DNAH9: variants seen among roughly 807,000 people sequenced by gnomAD.
DNAH9 encodes dynein axonemal heavy chain 9.
A neutral mutation model predicts 471.6 loss-of-function variants in DNAH9; 345 were observed. The ratio of observed to expected loss-of-function variants is 0.73; its 90% CI spans 0.67 to 0.80. DNAH9 has a LOEUF of 0.80. Among genes scored for constraint, DNAH9 ranks in the 30% least tolerant of loss-of-function variants. The pLI is 0.00. For synonymous variants in DNAH9, 2,093 were observed against 2,123.6 expected (o/e 0.99, Z 0.40); for missense variants, 5,407 against 5,609.2 (o/e 0.96, Z 1.15).
intron 58 of DNAH9, among the ~76,000 whole-genome samples, chr17:11,893,895 C>T (rs977890846): frequency 2.0e-5 from 3 of 152,176 alleles, no homozygotes; most frequent in African/African-American, 7.2e-5. Flanking sequence ...AAATAAACTA[C>T]TTATAGAAAG....
chr17:11,967,319 C>T (rs1976821943), intron 68 of DNAH9, among the ~76,000 whole-genome samples: 1 of 151,994 alleles, frequency 6.6e-6, no homozygotes, highest in South Asian at 2.1e-4. Context: ...GTTGCCCAGG[C>T]TGGCCTCCAA....
rs750124768 is a variant in DNAH9 at position 11,704,202 on chromosome 17, GGT to G, written c.5153_5154del (p.Val1718GlyfsTer25). 4 of 1,614,118 alleles carry G rather than the reference GGT, an allele frequency of 2.5e-6. No homozygotes were observed. The highest frequency in any genetic ancestry group is 3.4e-6 in the Non-Finnish European group (4 of 1,180,010). Reference sequence around the variant, plus strand: ...TTACTAGGCAACTCTTGCTGCCACAGGTGGCCCTGACCTGTACTCAGATCTGG... The same window carrying G: ...TTACTAGGCAACTCTTGCTGCCACAGGGCCCTGACCTGTACTCAGATCTGG... The part of the protein sequence containing the change: ...EQWLFDHPAQ[V>X]ALTCTQIWWT... On this transcript the variant is annotated frameshift_variant and splice_region_variant, in exon 25 of 69. Transcript: ENST00000262442. LOFTEE classifies it high-confidence loss of function.
chr17:11,677,867 T>G (rs2074072341), intron 17 of DNAH9, among the ~76,000 whole-genome samples: 1 of 151,970 alleles, frequency 6.6e-6, no homozygotes, highest in South Asian at 2.1e-4. Flanking sequence ...ATAAGTAAAT[T>G]TATTACTATT....
intron 45 of DNAH9, among the ~76,000 whole-genome samples, chr17:11,815,390 C>A (rs932305985): frequency 1.3e-5 from 2 of 152,156 alleles, no homozygotes; most frequent in Non-Finnish European, 2.9e-5. Flanking sequence ...GTTTTGCCTT[C>A]TTTTGCCTTG....
chr17:11,936,676 G>A (rs181492270), intron 65 of DNAH9, among the ~76,000 whole-genome samples: 20 of 152,110 alleles, frequency 1.3e-4, no homozygotes, highest in Middle Eastern at 3.4e-3. Flanking sequence ...AAATAAAACT[G>A]AGCCTTAGCC....
chr17:11,854,742 C>T (rs1471007826), intron 50 of DNAH9, among the ~76,000 whole-genome samples: 1 of 152,188 alleles, frequency 6.6e-6, no homozygotes. Context: ...ATTTTAGCCA[C>T]CTTACCCTTT....
chr17:11,635,792 A>T (rs2073152780), intron 8 of DNAH9, among the ~76,000 whole-genome samples: 1 of 152,184 alleles, frequency 6.6e-6, no homozygotes, highest in Non-Finnish European at 1.5e-5. Context: ...GGGTTAGGGC[A>T]GTCTGAATGC....
intron 24 of DNAH9, among the ~76,000 whole-genome samples, chr17:11,703,024 C>T (rs1018607288): frequency 1.3e-5 from 2 of 148,490 alleles, no homozygotes; most frequent in South Asian, 2.1e-4. Context: ...ACCCGGGAGG[C>T]GGAGCTTGCA....
intron 45 of DNAH9, among the ~76,000 whole-genome samples, chr17:11,815,647 G>A (rs905738674): frequency 1.3e-5 from 2 of 152,056 alleles, no homozygotes; most frequent in Non-Finnish European, 2.9e-5. Context: ...AGAGTATCGG[G>A]GCTTGATGGA....
intron 67 of DNAH9, among the ~76,000 whole-genome samples, chr17:11,958,338 G>A (rs1444797518): frequency 6.6e-6 from 1 of 152,060 alleles, no homozygotes; most frequent in Non-Finnish European, 1.5e-5. Flanking sequence ...CTATAATGGT[G>A]GATACTTGTC....
intron 50 of DNAH9, among the ~76,000 whole-genome samples, chr17:11,868,076 G>A (rs192721984): frequency 6.6e-6 from 1 of 152,268 alleles, no homozygotes; most frequent in East Asian, 1.9e-4. Context: ...TCAACAGTGT[G>A]GTCCTCCATA....
At chr17:11,668,664 CAAAA>C (rs56347198) in intron 15 of DNAH9, among the ~76,000 whole-genome samples, 2,127 of 100,490 alleles carry the variant, frequency 0.021, 18 homozygotes, top group Non-Finnish European at 0.032. Context: ...GACTGCATCT[CAAAA>C]AAAAAAAAAA....
chr17:11,705,247 C>A (rs994883989), intron 26 of DNAH9, 62 bp downstream of exon 26: 1 of 1,457,630 alleles, frequency 6.9e-7, no homozygotes, highest in Non-Finnish European at 9.5e-7. Context: ...AGCTAGTGGG[C>A]ATCTAGGGTC....
At position 11,807,784 on chromosome 17, in the gene DNAH9, G is replaced by T. The variant is rs1241363240; in HGVS notation, c.8473G>T (p.Gly2825Cys). 6.2e-7 allele frequency: 1 copy of T among 1,613,794 alleles called. No individual in the cohort carries two copies. Among genetic ancestry groups the T allele is most frequent in the Non-Finnish European group, 8.5e-7 (1 of 1,179,842 alleles). The stretch of plus-strand genomic sequence containing the variant: ...CCCGCGGGGAAATGCTCTGCTGGTT[G>T]GTGTAGGTGGGAGCGGCAAGCAGAG... ...ESPRGNALLV[G>C]VGGSGKQSLT... Residue 2825 changes from glycine (G) to cysteine (C), a missense_variant, in exon 44 of 69, where the codon GGT (glycine) becomes TGT (cysteine). Gly to Cys is a radical substitution (Grantham distance 159). Around this residue, in one of 3 missense-constraint regions of DNAH9, gnomAD observed 4,636 missense variants for 4,900.3 expected, o/e 0.95. Transcript: ENST00000262442.
chr17:11,834,839 C>T lies in DNAH9; in HGVS notation c.9448C>T (p.Leu3150=), dbSNP rs150094360. ...GAAGCAGAAGGACTGTGAGGAGGAC[C>T]TGGCAAAGGCTGAGCCAGCACTCAC... ...KQKQKDCEED[L]AKAEPALTAA... is the part of the protein sequence containing the mutation. Residue 3150 remains leucine (L), a synonymous_variant, in exon 49 of 69, where the codon CTG becomes TTG. Coordinates refer to ENST00000262442, the MANE Select transcript of DNAH9 (RefSeq NM_001372.4). 3.4e-5 allele frequency: 55 copies of T among 1,613,964 alleles called. No individual in the cohort carries two copies. The African/African-American group carries it at 6.4e-4, about 19-fold the overall frequency.
chr17:11,931,867 C>T, intron 63 of DNAH9, 147 bp from the exon 64 acceptor site: 1 of 851,108 alleles, frequency 1.2e-6, no homozygotes, highest in Non-Finnish European at 1.9e-6. Context: ...ACACGTTCCC[C>T]CCAGGCTGTA....
At chr17:11,936,850 G>A (rs1321087339) in intron 65 of DNAH9, among the ~76,000 whole-genome samples, 1 of 152,032 alleles carries the variant, frequency 6.6e-6, no homozygotes, top group African/African-American at 2.4e-5. Context: ...CACCTCCTTC[G>A]TCCTAAGCCC....
intron 19 of DNAH9, among the ~76,000 whole-genome samples, chr17:11,688,710 T>C (rs1048606168): frequency 6.6e-6 from 1 of 152,160 alleles, no homozygotes; most frequent in Non-Finnish European, 1.5e-5. Flanking sequence ...CAGAAGATCA[T>C]GACATGCAGC....
chr17:11,938,396 T>G (rs1974783143), intron 66 of DNAH9, among the ~76,000 whole-genome samples: 1 of 149,358 alleles, frequency 6.7e-6, no homozygotes, highest in African/African-American at 2.5e-5. Flanking sequence ...GAGGTGGAGG[T>G]TGCAGTGAGC....
Sources: gnomAD v4.1 joint callset for allele counts (sites outside exome capture counted in the v4.1 genomes callset) on GRCh38, gnomAD v4.1.1 for gene constraint, gnomAD v4.1.1 regional missense constraint, MANE v1.5 for transcripts, NCBI Gene and HGNC (gene_info 2026-07-23, HGNC 2026-07-21) for gene names.